The following RAP1GAP2 variants were observed in gnomAD, a reference collection of about 807,000 sequenced individuals.
RAP1GAP2 encodes the protein RAP1 GTPase activating protein 2.
In RAP1GAP2, 27 loss-of-function variants were observed where a neutral mutation model predicts 95.0. The ratio of observed to expected loss-of-function variants is 0.28; its 90% confidence interval spans 0.21 to 0.39. RAP1GAP2 has a LOEUF of 0.39. Among genes scored for constraint, RAP1GAP2 ranks in the 10% least tolerant of loss-of-function variants. The pLI is 1.00. For synonymous variants in RAP1GAP2, 373 were observed against 380.9 expected, an observed-to-expected ratio of 0.98 and a Z score of 0.24; for missense variants, 771 against 970.0, an observed-to-expected ratio of 0.79 and a Z score of 2.72.
chr17:2,862,860 G>A (rs1256469579), intron 2 of RAP1GAP2, among the ~76,000 whole-genome samples: 2 of 151,974 alleles, frequency 1.3e-5, no homozygotes, highest in Admixed American at 6.6e-5. Context: ...AGCTGGGCGT[G>A]GTGGCGTGCG....
At chr17:2,852,908 T>C (rs1478383048) in intron 2 of RAP1GAP2, among the ~76,000 whole-genome samples, 1 of 152,120 alleles carries the variant, frequency 6.6e-6, no homozygotes, top group Admixed American at 6.5e-5. Flanking sequence ...CCGCCCTTCC[T>C]TTCCGAAGGA....
intron 8 of RAP1GAP2, among the ~76,000 whole-genome samples, chr17:2,967,364 C>G (rs2044659946): frequency 6.6e-6 from 1 of 151,916 alleles, no homozygotes. Context: ...GAGTGAGACT[C>G]TGTCTCAACA....
At chr17:2,893,206 T>C (rs2073777080) in intron 2 of RAP1GAP2, among the ~76,000 whole-genome samples, 1 of 151,914 alleles carries the variant, frequency 6.6e-6, no homozygotes, top group Non-Finnish European at 1.5e-5. Flanking sequence ...GCTAGTTTTT[T>C]TATTTTTTAT....
rs150616716 is a variant in RAP1GAP2 at position 2,894,894 on chromosome 17, C to T, written c.81-10390C>T. ...CCTGGCCCCTCCCTTCCAGCCGCTC[C>T]GTTCTCTCTCTGCTGCTTGCAGAGT... is the stretch of plus-strand genomic sequence containing the variant. On this transcript the variant is annotated intron_variant, in intron 2 of 24. Transcript: ENST00000254695. Among the ~76,000 whole-genome samples, 283 of 152,274 alleles carry T rather than the reference C, an allele frequency of 1.9e-3. 2 individuals carry two copies. Among genetic ancestry groups the T allele is most frequent in the African/African-American group, 6.0e-3 (249 of 41,560 alleles).
chr17:2,956,038 C>T (rs2044091756), intron 3 of RAP1GAP2, among the ~76,000 whole-genome samples: 1 of 152,334 alleles, frequency 6.6e-6, no homozygotes, highest in Non-Finnish European at 1.5e-5. Context: ...TTGATTGCTT[C>T]TGTTGCATTA....
At chr17:2,791,933 C>G (rs2068936681), upstream of RAP1GAP2, among the ~76,000 whole-genome samples, 1 of 150,056 alleles carries the variant, frequency 6.7e-6, no homozygotes, top group Non-Finnish European at 1.5e-5. Flanking sequence ...GGTCTTGGCT[C>G]ACTGAAACCT....
At chr17:3,011,107 T>G (rs2046523392) in intron 17 of RAP1GAP2, among the ~76,000 whole-genome samples, 1 of 152,058 alleles carries the variant, frequency 6.6e-6, no homozygotes, top group South Asian at 2.1e-4. Flanking sequence ...TTTGTATTTT[T>G]AGTAGAGACG....
intron 19 of RAP1GAP2, among the ~76,000 whole-genome samples, chr17:3,022,776 G>T (rs1206888545): frequency 6.6e-6 from 1 of 152,114 alleles, no homozygotes; most frequent in Non-Finnish European, 1.5e-5. Context: ...GTTGTCTGTG[G>T]TTTTGAGGTC....
Position 3,018,130 on chromosome 17 carries a change from G to A in RAP1GAP2, c.1564G>A (p.Gly522Ser). 2 of 1,585,872 alleles carry A rather than the reference G, an allele frequency of 1.3e-6. No homozygotes were observed. Among genetic ancestry groups the A allele is most frequent in the South Asian group, 2.3e-5 (2 of 86,890 alleles). ...CGGCCAGAAGAAGTCGCACAGTGGG[G>A]GCATCCCTGGCAGCCTCAGCGGGGG... ...VGGQKKSHSG[G>S]IPGSLSGGIS... is the part of the protein sequence containing the mutation. Residue 522 changes from glycine to serine, a missense_variant, in exon 18 of 25, where the codon GGC becomes AGC. By Grantham distance (56) the Gly-to-Ser change is moderately conservative. Coordinates refer to ENST00000254695, the MANE Select transcript of RAP1GAP2 (RefSeq NM_015085.5).
rs762330039 is a variant in RAP1GAP2, at chr17:3,029,239, TAG to T, written c.2108-1678_2108-1677del. Among the ~76,000 whole-genome samples the T allele has an allele frequency of 6.6e-6, 1 of 152,222 alleles. No homozygotes were observed. Among genetic ancestry groups the T allele is most frequent in the Non-Finnish European group, 1.5e-5 (1 of 68,042 alleles). On this transcript the variant is annotated intron_variant, in intron 22 of 24. Transcript: ENST00000254695. This position sits in a 1 kb window ranked among gnomAD's most constrained non-coding sequence, Gnocchi z 4.4. ...TAAGGAAGGTTTTGAGTAAAGGAAT[TAG>T]AGAGTCTCTGCAGGTTGCTGAAGGT...
chr17:2,761,643 T>C (rs922686571), intron 1 of RAP1GAP2, among the ~76,000 whole-genome samples: 1 of 152,172 alleles, frequency 6.6e-6, no homozygotes, highest in Admixed American at 6.5e-5. Flanking sequence ...TCCCTTTGTA[T>C]CCTTGGGGGA....
chr17:2,833,145 AT>A (rs201994901), intron 2 of RAP1GAP2, among the ~76,000 whole-genome samples: 3,737 of 139,834 alleles, frequency 0.027, 76 homozygotes, highest in East Asian at 0.11. Context: ...GTTCTTGATA[AT>A]TTTTTTTTTT....
chr17:2,773,626 G>A (rs568429518), upstream of RAP1GAP2, among the ~76,000 whole-genome samples: 100 of 152,252 alleles, frequency 6.6e-4, no homozygotes, highest in Admixed American at 4.7e-3. Flanking sequence ...GCAGAATTGG[G>A]ACCCAAAGTG....
chr17:3,023,448 A>G (rs2047015764), intron 19 of RAP1GAP2, among the ~76,000 whole-genome samples: 1 of 152,128 alleles, frequency 6.6e-6, no homozygotes, highest in African/African-American at 2.4e-5. Flanking sequence ...CCAAATTCCC[A>G]GGTTTTCTGC....
intron 2 of RAP1GAP2, among the ~76,000 whole-genome samples, chr17:2,879,732 A>AG (rs929234829): frequency 6.6e-6 from 1 of 151,102 alleles, no homozygotes; most frequent in Non-Finnish European, 1.5e-5. Flanking sequence ...TCTCAAAAAA[A>AG]AAAAAAAGAA....
intron 8 of RAP1GAP2, among the ~76,000 whole-genome samples, chr17:2,966,988 T>C (rs888099209): frequency 2.6e-5 from 4 of 152,188 alleles, no homozygotes; most frequent in African/African-American, 9.7e-5. Context: ...TTGATGGTTT[T>C]TTGTTTTTGT....
At chr17:2,812,754 C>A (rs1265681639) in intron 2 of RAP1GAP2, among the ~76,000 whole-genome samples, 2 of 151,986 alleles carry the variant, frequency 1.3e-5, no homozygotes, top group Admixed American at 1.3e-4. Context: ...TTTTGGGAGG[C>A]CGAGGTGGGT....
intron 2 of RAP1GAP2, among the ~76,000 whole-genome samples, chr17:2,863,993 A>G (rs2072519387): frequency 6.6e-6 from 1 of 151,978 alleles, no homozygotes; most frequent in Admixed American, 6.6e-5. Context: ...CGGAGGTTGC[A>G]GTGAGCCGAG....
In RAP1GAP2 at chr17:2,963,499, C is replaced by T; in HGVS notation, c.279+37C>T. The T allele has an allele frequency of 6.2e-7, 1 of 1,613,212 alleles. No homozygotes were observed. Among genetic ancestry groups the T allele is most frequent in the Non-Finnish European group, 8.5e-7 (1 of 1,179,234 alleles). On this transcript the variant is annotated intron_variant, in intron 6 of 24. Coordinates refer to ENST00000254695, the MANE Select transcript of RAP1GAP2 (RefSeq NM_015085.5). This position sits in a 1 kb window ranked among gnomAD's most constrained non-coding sequence, Gnocchi z 4.8. ...CCCCTCACTCCCACCTGCCCTGCAG[C>T]CTGCTCTGGGTCCCGTCCCTGGGGA...
Sources: allele counts gnomAD v4.1 joint callset (sites outside exome capture counted in the v4.1 genomes callset), GRCh38; gene constraint gnomAD v4.1.1; non-coding constraint Gnocchi (gnomAD v3.1); transcripts MANE v1.5; gene names NCBI Gene and HGNC (gene_info 2026-07-23, HGNC 2026-07-21).